The following SV2C variants were observed in gnomAD, a reference collection of about 807,000 sequenced individuals.
SV2C encodes the protein synaptic vesicle glycoprotein 2C, also known as solute carrier family 22 member B3.
Under a neutral mutation model 79.7 loss-of-function variants are expected in SV2C, and 49 were observed. The observed-to-expected ratio is 0.61, with a 90% CI of 0.49 to 0.78. The LOEUF (loss-of-function observed/expected upper bound fraction) is 0.78, where lower values mean the gene tolerates loss of function less well. Ranked by LOEUF, SV2C falls within the 30% of genes least tolerant of loss-of-function variation. SV2C has a pLI of 0.00. For missense variants in SV2C, 833 were observed against 912.9 expected (o/e 0.91, Z 1.13); for synonymous variants, 334 against 333.2 (o/e 1.00, Z -0.03).
chr5:76,115,756 T>G (rs76230792), intron 1 of SV2C, among the ~76,000 whole-genome samples: 3,853 of 152,280 alleles, frequency 0.025, 83 homozygotes, highest in Non-Finnish European at 0.039. Context: ...TTCTTCTAGA[T>G]CTTGTCACCT....
downstream of SV2C, among the ~76,000 whole-genome samples, chr5:76,335,440 T>TA (rs1491370802): frequency 1.7e-4 from 22 of 126,242 alleles, no homozygotes; most frequent in East Asian, 1.8e-3. Context: ...TTTTTTTTTT[T>TA]ATTGATCATT....
chr5:76,032,711 T>A, the SV2C span, among the ~76,000 whole-genome samples: 1 of 152,220 alleles, frequency 6.6e-6, no homozygotes, highest in East Asian at 1.9e-4. Context: ...TAAACATATG[T>A]GTGCATGTGT....
chr5:76,132,368 G>A (rs778429863), intron 2 of SV2C, 38 bp downstream of exon 2: 1 of 1,552,034 alleles, frequency 6.4e-7, no homozygotes, highest in Admixed American at 1.9e-5. Context: ...CTCTGAAACT[G>A]GCTTATTTGT....
chr5:76,124,633 G>A (rs950899631), intron 1 of SV2C, among the ~76,000 whole-genome samples: 1 of 152,096 alleles, frequency 6.6e-6, no homozygotes, highest in Non-Finnish European at 1.5e-5. Flanking sequence ...ATACCTAGAG[G>A]TGGAATTCCT....
chr5:76,032,233 T>TTG, the SV2C span, among the ~76,000 whole-genome samples: 36 of 141,410 alleles, frequency 2.5e-4, 1 homozygote, highest in Non-Finnish European at 4.4e-4. Flanking sequence ...CTTTTTTTTT[T>TTG]CCTGTGATAA....
At chr5:76,121,925 A>T (rs1018513022) in intron 1 of SV2C, among the ~76,000 whole-genome samples, 1 of 152,080 alleles carries the variant, frequency 6.6e-6, no homozygotes, top group African/African-American at 2.4e-5. Flanking sequence ...TGGTAGCTTG[A>T]TGGGGATGGC....
intron 1 of SV2C, among the ~76,000 whole-genome samples, chr5:76,119,514 A>G (rs1342816404): frequency 1.3e-5 from 2 of 152,182 alleles, no homozygotes; most frequent in Non-Finnish European, 2.9e-5. Flanking sequence ...CCTACCTGGA[A>G]GAAGGGACAG....
At chr5:76,323,314 T>C (rs747882505) in intron 12 of SV2C, among the ~76,000 whole-genome samples, 5 of 152,050 alleles carry the variant, frequency 3.3e-5, no homozygotes, top group Admixed American at 2.6e-4. Context: ...CATAGAGAAA[T>C]GAAAATCAAA....
At chr5:75,895,326 G>A in the SV2C span, among the ~76,000 whole-genome samples, 1 of 152,092 alleles carries the variant, frequency 6.6e-6, no homozygotes, top group Non-Finnish European at 1.5e-5. Flanking sequence ...CCCTGAGGAA[G>A]CTCAGACATT....
the SV2C span, among the ~76,000 whole-genome samples, chr5:75,872,090 T>C: frequency 6.8e-6 from 1 of 147,328 alleles, no homozygotes; most frequent in Non-Finnish European, 1.5e-5. Context: ...TATGATAATA[T>C]ATATGAATAT....
At chr5:75,865,785 G>T in the SV2C span, among the ~76,000 whole-genome samples, 2,415 of 152,288 alleles carry the variant, frequency 0.016, 52 homozygotes, top group African/African-American at 0.052. Flanking sequence ...GAACGTTAAT[G>T]CCCCGTAGAA....
chr5:76,302,911 CA>C (rs1446395707), intron 12 of SV2C, among the ~76,000 whole-genome samples: 9 of 152,126 alleles, frequency 5.9e-5, no homozygotes, highest in Non-Finnish European at 1.3e-4. Context: ...AGAACTATGC[CA>C]AAACATTTGG....
the SV2C span, among the ~76,000 whole-genome samples, chr5:76,048,102 A>C: frequency 6.6e-6 from 1 of 152,210 alleles, no homozygotes; most frequent in Non-Finnish European, 1.5e-5. Context: ...TGTTATACAC[A>C]ATAAATACAT....
chr5:75,859,256 T>C, the SV2C span, among the ~76,000 whole-genome samples: 2 of 152,316 alleles, frequency 1.3e-5, no homozygotes, highest in Non-Finnish European at 2.9e-5. Context: ...TTATCTATCA[T>C]TTGAATGAAT....
At chr5:76,034,277 A>C in the SV2C span, among the ~76,000 whole-genome samples, 982 of 152,244 alleles carry the variant, frequency 6.5e-3, 10 homozygotes, top group African/African-American at 0.023. Flanking sequence ...CAGAACTTCC[A>C]ACACTATGTT....
intron 2 of SV2C, among the ~76,000 whole-genome samples, chr5:76,142,897 C>CTTTAACTTTTTTTTTTT (rs1749302047): frequency 1.9e-5 from 2 of 103,888 alleles, no homozygotes; most frequent in African/African-American, 5.7e-5. Context: ...TCAACTTTTT[C>CTTTAACTTTTTTTTTTT]TTTTCCTTTT....
chr5:76,271,934 T>G (rs749860484), intron 4 of SV2C, among the ~76,000 whole-genome samples: 16 of 152,118 alleles, frequency 1.1e-4, no homozygotes, highest in Non-Finnish European at 2.4e-4. Context: ...AAATTAGAGC[T>G]CCCAGTCATT....
At chr5:76,157,042 A>G (rs539663421) in intron 2 of SV2C, among the ~76,000 whole-genome samples, 14 of 152,242 alleles carry the variant, frequency 9.2e-5, no homozygotes, top group Admixed American at 3.9e-4. Context: ...TGTATTGGAA[A>G]AATATTAATG....
At chr5:75,856,734 A>C in the SV2C span, among the ~76,000 whole-genome samples, 2 of 152,050 alleles carry the variant, frequency 1.3e-5, no homozygotes, top group African/African-American at 4.8e-5. Flanking sequence ...ATTTCCTCCC[A>C]TTCTGTGGGT....
Sources: gnomAD v4.1 joint callset for allele counts (sites outside exome capture counted in the v4.1 genomes callset) on GRCh38, gnomAD v4.1.1 for gene constraint, MANE v1.5 for transcripts, NCBI Gene and HGNC (gene_info 2026-07-23, HGNC 2026-07-21) for gene names.